BAIAP2L1: variants seen among roughly 807,000 people sequenced by gnomAD.
BAIAP2L1 encodes BAR/IMD domain containing adaptor protein 2 like 1, also known as BAR/IMD domain-containing adapter protein 2-like 1.
In BAIAP2L1, 35 loss-of-function variants were observed where a neutral mutation model predicts 66.3. The ratio of observed to expected loss-of-function variants is 0.53; its 90% CI spans 0.40 to 0.70. The LOEUF (loss-of-function observed/expected upper bound fraction) is 0.70. Among genes scored for constraint, BAIAP2L1 ranks in the 30% least tolerant of loss-of-function variants. The pLI, the probability that BAIAP2L1 is intolerant of heterozygous loss-of-function variation, is 0.00. For synonymous variants in BAIAP2L1, 269 were observed against 248.7 expected (o/e 1.08, Z -0.77); for missense variants, 622 against 656.9 (o/e 0.95, Z 0.58).
chr7:98,370,185 G>A (rs1279092833), intron 1 of BAIAP2L1, among the ~76,000 whole-genome samples: 1 of 151,886 alleles, frequency 6.6e-6, no homozygotes, highest in Non-Finnish European at 1.5e-5. Flanking sequence ...GACCATCCTG[G>A]CTAATGTGGC....
chr7:98,389,155 G>A (rs1802966337), intron 1 of BAIAP2L1, among the ~76,000 whole-genome samples: 1 of 151,772 alleles, frequency 6.6e-6, no homozygotes, highest in South Asian at 2.1e-4. Flanking sequence ...AGGTGACAGG[G>A]GGCCCTGTCT....
chr7:98,316,719 A>C (rs1030779177), intron 6 of BAIAP2L1, among the ~76,000 whole-genome samples: 1 of 151,954 alleles, frequency 6.6e-6, no homozygotes, highest in African/African-American at 2.4e-5. Flanking sequence ...ACTAGAACTT[A>C]TTTCTTTTAT....
intron 1 of BAIAP2L1, among the ~76,000 whole-genome samples, chr7:98,378,180 A>C (rs1802677136): frequency 6.8e-6 from 1 of 146,808 alleles, no homozygotes; most frequent in African/African-American, 2.5e-5. Flanking sequence ...AAAAACGAAC[A>C]AAAAAAAAAG....
intron 2 of BAIAP2L1, among the ~76,000 whole-genome samples, chr7:98,361,293 G>A (rs924105341): frequency 4.6e-5 from 7 of 151,812 alleles, no homozygotes; most frequent in African/African-American, 1.7e-4. Context: ...GGAGGCAGAG[G>A]TTGCAGTGAG....
intron 8 of BAIAP2L1, among the ~76,000 whole-genome samples, 182 bp downstream of exon 8, chr7:98,311,915 C>A (rs151185185): frequency 2.0e-5 from 3 of 151,986 alleles, no homozygotes; most frequent in African/African-American, 7.3e-5. Context: ...ACCTTAACAA[C>A]AACAAAAAAC....
In BAIAP2L1 at chr7:98,393,165, A is replaced by ATG. The variant is rs1329336656; in HGVS notation, c.51+7635_51+7636dup. ...TGTGTACATATATATGTACACATAT[A>ATG]TGTATATATATACATATATGTGTGT... On this transcript the variant is annotated intron_variant, in intron 1 of 13. Coordinates refer to ENST00000005260, the MANE Select transcript of BAIAP2L1 (RefSeq NM_018842.5). 2.9e-4 allele frequency among the ~76,000 whole-genome samples: 18 copies of ATG among 63,060 alleles called. 1 individual carries two copies. Among genetic ancestry groups the ATG allele is most frequent in the Admixed American group, 1.8e-3 (10 of 5,664 alleles). 41.4% of individuals were successfully genotyped at this position (63,060 alleles called of 152,430 possible).
At chr7:98,380,207 A>T (rs969233833) in intron 1 of BAIAP2L1, among the ~76,000 whole-genome samples, 3 of 151,768 alleles carry the variant, frequency 2.0e-5, no homozygotes, top group Non-Finnish European at 2.9e-5. Context: ...CCTCCCATGT[A>T]GCAGGGACTT....
At chr7:98,331,917 A>G (rs1584462668) in intron 3 of BAIAP2L1, among the ~76,000 whole-genome samples, 1 of 152,364 alleles carries the variant, frequency 6.6e-6, no homozygotes, top group East Asian at 1.9e-4. Flanking sequence ...ATTCACCAAC[A>G]TAGAATTCTT....
At chr7:98,388,987 A>AAAAC in intron 1 of BAIAP2L1, among the ~76,000 whole-genome samples, 2 of 150,326 alleles carry the variant, frequency 1.3e-5, no homozygotes, top group Middle Eastern at 3.5e-3. Flanking sequence ...AAAAAAAACA[A>AAAAC]AAAACAAACC....
chr7:98,375,325 C>T (rs539437184), intron 1 of BAIAP2L1, among the ~76,000 whole-genome samples: 8 of 150,964 alleles, frequency 5.3e-5, no homozygotes, highest in South Asian at 4.2e-4. Context: ...ACCTGGGAGG[C>T]GGAGGTTGCA....
In BAIAP2L1 at chr7:98,401,043, C is replaced by A; in HGVS notation, c.-191G>T. ...TGTCAAAACTTGCGGCAGCGCCGCC[C>A]TGGCCTTCTTCGAGGAGCAGAGGAG... On this transcript the variant is annotated 5_prime_UTR_variant, in exon 1 of 14. The change creates a new upstream start codon in the 5' untranslated region. Coordinates refer to ENST00000005260, the MANE Select transcript of BAIAP2L1 (RefSeq NM_018842.5). 1 of 432,172 alleles carries A rather than the reference C, an allele frequency of 2.3e-6. No homozygotes were observed. Among genetic ancestry groups the A allele is most frequent in the Non-Finnish European group, 3.9e-6 (1 of 259,008 alleles). 26.8% of individuals were successfully genotyped at this position (432,172 alleles called of 1,614,324 possible).
At chr7:98,357,393 C>T (rs1276826345) in intron 2 of BAIAP2L1, among the ~76,000 whole-genome samples, 1 of 150,832 alleles carries the variant, frequency 6.6e-6, no homozygotes, top group Non-Finnish European at 1.5e-5. Flanking sequence ...ATGGTGAAAT[C>T]CCGTCTCCAC....
intron 3 of BAIAP2L1, among the ~76,000 whole-genome samples, chr7:98,330,113 C>A (rs1345859723): frequency 6.6e-6 from 1 of 152,088 alleles, no homozygotes; most frequent in Non-Finnish European, 1.5e-5. Flanking sequence ...TTATCTGACA[C>A]GTCATGTTCA....
chr7:98,384,934 G>T (rs1282983761), intron 1 of BAIAP2L1, among the ~76,000 whole-genome samples: 1 of 152,050 alleles, frequency 6.6e-6, no homozygotes, highest in Non-Finnish European at 1.5e-5. Flanking sequence ...CCCGAACTCA[G>T]GTGATCCAAC....
chr7:98,315,880 G>C (rs1355329698), intron 6 of BAIAP2L1, among the ~76,000 whole-genome samples: 1 of 152,186 alleles, frequency 6.6e-6, no homozygotes, highest in Non-Finnish European at 1.5e-5. Flanking sequence ...TTGTACTTCA[G>C]AGATATGATC....
rs35160105 is a variant in BAIAP2L1, at chr7:98,315,625, AAAT to A, written c.487-16_487-14del. The A allele has an allele frequency of 1.3e-4, 146 of 1,130,996 alleles. No homozygotes were observed. The East Asian group carries it at 2.0e-3, about 16-fold the overall frequency. 70.1% of individuals were successfully genotyped at this position (1,130,996 alleles called of 1,614,324 possible). The stretch of plus-strand genomic sequence containing the variant: ...CGGTCTCCACATACTAAAAAAAAAA[AAAT>A]AATAATAATAATAATTATATAAGCA... On this transcript the variant is annotated splice_polypyrimidine_tract_variant and intron_variant, in intron 6 of 13. Coordinates refer to ENST00000005260, the MANE Select transcript of BAIAP2L1 (RefSeq NM_018842.5).
At chr7:98,400,683 G>A (rs1040613220) in intron 1 of BAIAP2L1, 119 bp downstream of exon 1, 3 of 1,193,568 alleles carry the variant, frequency 2.5e-6, no homozygotes, top group African/African-American at 3.1e-5. Context: ...ACCGGGAGAG[G>A]TGGAAGGACG....
intron 1 of BAIAP2L1, among the ~76,000 whole-genome samples, chr7:98,391,948 A>G (rs991654785): frequency 2.6e-5 from 4 of 152,158 alleles, no homozygotes; most frequent in African/African-American, 9.7e-5. Context: ...TGTTCTGGCC[A>G]ATGTCCATAT....
chr7:98,332,436 T>C (rs1802786759), intron 3 of BAIAP2L1, among the ~76,000 whole-genome samples: 1 of 138,306 alleles, frequency 7.2e-6, no homozygotes, highest in South Asian at 2.4e-4. Context: ...ATATTTAATG[T>C]CACCTTTTCA....
Sources: gnomAD v4.1 joint callset for allele counts (sites outside exome capture counted in the v4.1 genomes callset) on GRCh38, gnomAD v4.1.1 for gene constraint, MANE v1.5 for transcripts, NCBI Gene and HGNC (gene_info 2026-07-23, HGNC 2026-07-21) for gene names.